WTIP: variants seen among roughly 807,000 people sequenced by gnomAD.
WTIP encodes WT1 interacting protein.
Under a neutral mutation model 41.7 loss-of-function variants are expected in WTIP, and 23 were observed. The observed-to-expected ratio is 0.55, with a 90% CI of 0.40 to 0.78. WTIP has a LOEUF of 0.78. Ranked by LOEUF, WTIP falls within the 30% of genes least tolerant of loss-of-function variation. The pLI, the probability that WTIP is intolerant of heterozygous loss-of-function variation, is 0.00. For missense variants in WTIP, 619 were observed against 610.5 expected, an observed-to-expected ratio of 1.01 and a Z score of -0.15; for synonymous variants, 314 against 269.9, an observed-to-expected ratio of 1.16 and a Z score of -1.60.
chr19:34,487,382 G>C (rs535212600), intron 1 of WTIP, among the ~76,000 whole-genome samples: 3 of 152,106 alleles, frequency 2.0e-5, no homozygotes, highest in African/African-American at 7.2e-5. Flanking sequence ...GATTACAGGC[G>C]TGAGCCACTG....
rs1373948737 is a variant in WTIP at position 34,505,974 on chromosome 19, A to G, written c.*5705A>G. The stretch of plus-strand genomic sequence containing the variant: ...ATGGCCTGGGGTCACCACCTTCCTG[A>G]GCTGCGTGGATCTCAGCCAGGACTT... On this transcript the variant is annotated 3_prime_UTR_variant, in exon 8 of 8. Transcript: ENST00000590071. The G allele has an allele frequency of 6.6e-6, 1 of 152,216 alleles. No individual in the cohort carries two copies. The highest frequency in any genetic ancestry group is 1.5e-5 in the Non-Finnish European group (1 of 68,082). 9.4% of individuals were successfully genotyped at this position (152,216 alleles called of 1,614,324 possible).
intron 1 of WTIP, among the ~76,000 whole-genome samples, chr19:34,487,283 G>A (rs997061872): frequency 2.6e-5 from 4 of 151,896 alleles, no homozygotes; most frequent in Non-Finnish European, 4.4e-5. Context: ...TATATTTTTA[G>A]TAGAGATGAG....
intron 6 of WTIP, 124 bp from the exon 7 acceptor site, chr19:34,495,579 T>A (rs1451878202): frequency 1.9e-6 from 2 of 1,028,462 alleles, no homozygotes; most frequent in African/African-American, 3.1e-5. Context: ...AGCGTGGCAG[T>A]GCTCCCCGGG....
At chr19:34,486,332 C>T (rs946147788) in intron 1 of WTIP, among the ~76,000 whole-genome samples, 8 of 151,718 alleles carry the variant, frequency 5.3e-5, no homozygotes, top group African/African-American at 1.9e-4. Context: ...CGCAGGTCTT[C>T]CTGTCACCAC....
At chr19:34,492,905 T>C in intron 2 of WTIP, 132 bp from the exon 3 acceptor site, 3 of 783,992 alleles carry the variant, frequency 3.8e-6, no homozygotes, top group South Asian at 1.7e-5. Flanking sequence ...AACATAATAT[T>C]AAAGGGAAAT....
intron 2 of WTIP, 53 bp downstream of exon 2, chr19:34,490,530 C>T: frequency 3.9e-6 from 6 of 1,541,748 alleles, no homozygotes; most frequent in Non-Finnish European, 5.4e-6. Flanking sequence ...GCCACATCAT[C>T]CCCATTCCCC....
At chr19:34,484,814 C>T (rs1389656776) in intron 1 of WTIP, among the ~76,000 whole-genome samples, 2 of 151,554 alleles carry the variant, frequency 1.3e-5, no homozygotes, top group Non-Finnish European at 2.9e-5. Context: ...CCTGTAATCC[C>T]AGCACTTTGG....
Position 34,493,484 on chromosome 19 carries a change from G to C in WTIP, c.901-8G>C, listed in dbSNP as rs45507094. The C allele has an allele frequency of 7.0e-3, 11,332 of 1,613,180 alleles. 80 individuals carry two copies. The highest frequency in any genetic ancestry group is 0.012 in the Middle Eastern group (70 of 6,058). On this transcript the variant is annotated splice_region_variant and splice_polypyrimidine_tract_variant and intron_variant, in intron 4 of 7. Coordinates refer to ENST00000590071, the MANE Select transcript of WTIP (RefSeq NM_001080436.2). The surrounding 1 kb of genome is among the most constrained non-coding windows in gnomAD (Gnocchi z 4.1). The stretch of plus-strand genomic sequence containing the variant: ...CCGCGCTGACCCCTCAGTGTGCCCC[G>C]CCCACAGATCCTGCAGGCCCTGGGC...
At chr19:34,488,779 T>C (rs764252812) in intron 1 of WTIP, among the ~76,000 whole-genome samples, 2 of 151,846 alleles carry the variant, frequency 1.3e-5, no homozygotes, top group Non-Finnish European at 2.9e-5. Flanking sequence ...AGTACCTGCC[T>C]GTGGACCCAG....
In WTIP at chr19:34,504,094, G is replaced by T. The variant is rs2075900972; in HGVS notation, c.*3825G>T. 1 of 152,230 alleles carries T rather than the reference G, an allele frequency of 6.6e-6. No individual in the cohort carries two copies. The highest frequency in any genetic ancestry group is 2.4e-5 in the African/African-American group (1 of 41,404). 9.4% of individuals were successfully genotyped at this position (152,230 alleles called of 1,614,324 possible). Reference sequence around the variant, plus strand: ...GACGGAGAAAGTCGTGTGTGAAAGGGATTGAATATTTCAGAAAATGAATGA... The same window carrying T: ...GACGGAGAAAGTCGTGTGTGAAAGGTATTGAATATTTCAGAAAATGAATGA... On this transcript the variant is annotated 3_prime_UTR_variant, in exon 8 of 8. Coordinates refer to ENST00000590071, the MANE Select transcript of WTIP (RefSeq NM_001080436.2).
In WTIP at chr19:34,493,186, G is replaced by A; in HGVS notation, c.838-77G>A. ...CATTCTGACTCGAGTGGAGACCTGAGGCCAGGAGGCAGGTGCTAGCTGGGC... is the reference window on the plus strand; with the variant it reads ...CATTCTGACTCGAGTGGAGACCTGAAGCCAGGAGGCAGGTGCTAGCTGGGC... On this transcript the variant is annotated intron_variant, in intron 3 of 7. Transcript: ENST00000590071. The surrounding 1 kb of genome is among the most constrained non-coding windows in gnomAD (Gnocchi z 4.1). 1 of 1,612,678 alleles carries A rather than the reference G, an allele frequency of 6.2e-7. No individual in the cohort carries two copies. Among genetic ancestry groups the A allele is most frequent in the Non-Finnish European group, 8.5e-7 (1 of 1,178,762 alleles).
Position 34,494,581 on chromosome 19 carries a change from T to C in WTIP, c.1032-5T>C. 1.2e-6 allele frequency: 2 copies of C among 1,613,452 alleles called. No individual in the cohort carries two copies. Among genetic ancestry groups the C allele is most frequent in the Non-Finnish European group, 1.7e-6 (2 of 1,179,684 alleles). On this transcript the variant is annotated splice_region_variant and splice_polypyrimidine_tract_variant and intron_variant, in intron 5 of 7. Coordinates refer to ENST00000590071, the MANE Select transcript of WTIP (RefSeq NM_001080436.2). ...GATCACTTCTGGTTTCCTTTATTTC[T>C]CTAGGGTTTTTGCACCAAAATGCGC...
rs1023840692 is a variant in WTIP, at chr19:34,503,296, C to T, written c.*3027C>T. On this transcript the variant is annotated 3_prime_UTR_variant, in exon 8 of 8. Transcript: ENST00000590071. ...CCCCGGAGCTGTGCATGGCAGTTCC[C>T]TCCGTGGGAGCCACTCTCCCGGGGT... is the stretch of plus-strand genomic sequence containing the variant. 2 of 152,004 alleles carry T rather than the reference C, an allele frequency of 1.3e-5. No homozygotes were observed. Among genetic ancestry groups the T allele is most frequent in the Non-Finnish European group, 2.9e-5 (2 of 68,040 alleles). 9.4% of individuals were successfully genotyped at this position (152,004 alleles called of 1,614,324 possible). A position where few individuals can be genotyped will look rare whatever the true frequency, so the allele number is the denominator to read the frequency against.
chr19:34,482,747 G>C (rs965225154), intron 1 of WTIP, 106 bp downstream of exon 1: 4 of 1,200,240 alleles, frequency 3.3e-6, no homozygotes, highest in Non-Finnish European at 4.1e-6. Flanking sequence ...CACGGGGCTG[G>C]CTGGGGGTGC....
At chr19:34,494,049 C>G (rs2277979) in intron 5 of WTIP, among the ~76,000 whole-genome samples, 12,718 of 152,166 alleles carry the variant, frequency 0.084, 990 homozygotes, top group East Asian at 0.42. Flanking sequence ...TTCCTGGGAG[C>G]TCTGGTTCTG....
In WTIP at chr19:34,495,648, G is replaced by C. The variant is rs1211185277; in HGVS notation, c.1084-55G>C. ...GTGTGTGGGAGTGTACACTCACGCA[G>C]TTTGCCTCCAGTCCCCACATGCTCA... On this transcript the variant is annotated intron_variant, in intron 6 of 7. Coordinates refer to ENST00000590071, the MANE Select transcript of WTIP (RefSeq NM_001080436.2). The C allele has an allele frequency of 1.1e-5, 18 of 1,600,512 alleles. No homozygotes were observed. The East Asian group carries it at 4.0e-4, about 36-fold the overall frequency.
In WTIP at chr19:34,500,528, CAGGGTAGGCCGTGGG is replaced by C; in HGVS notation, c.*260_*274del. On this transcript the variant is annotated 3_prime_UTR_variant, in exon 8 of 8. Coordinates refer to ENST00000590071, the MANE Select transcript of WTIP (RefSeq NM_001080436.2). The stretch of plus-strand genomic sequence containing the variant: ...GGAGGCCCCCTGTGCCCTGCAGCCT[CAGGGTAGGCCGTGGG>C]TCACCAGGCTGGAGAGGGCCCCTGC... The C allele has an allele frequency of 4.4e-6, 2 of 457,380 alleles. No individual in the cohort carries two copies. The highest frequency in any genetic ancestry group is 7.2e-5 in the East Asian group (2 of 27,898). 28.3% of individuals were successfully genotyped at this position (457,380 alleles called of 1,614,324 possible).
At chr19:34,497,038 T>C (rs961417331) in intron 7 of WTIP, among the ~76,000 whole-genome samples, 1 of 151,940 alleles carries the variant, frequency 6.6e-6, no homozygotes, top group African/African-American at 2.4e-5. Context: ...AGTTTTTGTG[T>C]TTTTAGTAGT....
At chr19:34,495,648 G>A in intron 6 of WTIP, 55 bp from the exon 7 acceptor site, 2 of 1,600,510 alleles carry the variant, frequency 1.2e-6, no homozygotes, top group Non-Finnish European at 1.7e-6. Context: ...CACTCACGCA[G>A]TTTGCCTCCA....
Sources: gnomAD v4.1 joint callset for allele counts (sites outside exome capture counted in the v4.1 genomes callset) on GRCh38, gnomAD v4.1.1 for gene constraint, Gnocchi (gnomAD v3.1) non-coding constraint, MANE v1.5 for transcripts, NCBI Gene and HGNC (gene_info 2026-07-23, HGNC 2026-07-21) for gene names.